Variants in TAOK3 observed in about 807,000 individuals in gnomAD.
TAOK3 encodes serine/threonine-protein kinase TAO3.
In TAOK3, 40 loss-of-function variants were observed where a neutral mutation model predicts 120.4. The ratio of observed to expected loss-of-function variants is 0.33; its 90% CI spans 0.26 to 0.43. The LOEUF is 0.43. Among genes scored for constraint, TAOK3 ranks in the 20% least tolerant of loss-of-function variants. The pLI, the probability that TAOK3 is intolerant of heterozygous loss-of-function variation, is 1.00. For synonymous variants in TAOK3, 355 were observed against 387.5 expected, an observed-to-expected ratio of 0.92 and a Z score of 0.99; for missense variants, 821 against 1,112.1, an observed-to-expected ratio of 0.74 and a Z score of 3.72.
intron 11 of TAOK3, among the ~76,000 whole-genome samples, chr12:118,207,341 A>G (rs962763763): frequency 1.1e-4 from 16 of 151,776 alleles, no homozygotes; most frequent in Non-Finnish European, 1.8e-4. Flanking sequence ...AAAAAAAAAA[A>G]AAAAGAAAGA....
At chr12:118,251,451 T>C (rs2040747132) in intron 3 of TAOK3, among the ~76,000 whole-genome samples, 1 of 152,170 alleles carries the variant, frequency 6.6e-6, no homozygotes, top group East Asian at 1.9e-4. Flanking sequence ...GGCCTGTACT[T>C]TTCACATTTA....
chr12:118,272,949 C>T (rs1035689654), intron 1 of TAOK3, among the ~76,000 whole-genome samples: 1 of 151,988 alleles, frequency 6.6e-6, no homozygotes, highest in Non-Finnish European at 1.5e-5. Context: ...GCACTCCAAC[C>T]TAGGTGACAA....
chr12:118,218,785 C>T (rs1019681273), intron 9 of TAOK3, among the ~76,000 whole-genome samples: 23 of 152,054 alleles, frequency 1.5e-4, no homozygotes, highest in African/African-American at 5.3e-4. Context: ...GAAACCCCGT[C>T]TCTACTAAAA....
At chr12:118,358,611 G>A (rs2045487272) in intron 1 of TAOK3, among the ~76,000 whole-genome samples, 3 of 152,046 alleles carry the variant, frequency 2.0e-5, no homozygotes, top group South Asian at 2.1e-4. Flanking sequence ...AGACTCTTCC[G>A]ACAAAATATT....
chr12:118,316,539 C>G (rs547347919), intron 1 of TAOK3, among the ~76,000 whole-genome samples: 1 of 152,048 alleles, frequency 6.6e-6, no homozygotes, highest in Admixed American at 6.6e-5. Flanking sequence ...TAGCTGGGAA[C>G]ACAGTCGTGT....
intron 1 of TAOK3, among the ~76,000 whole-genome samples, chr12:118,311,198 T>C (rs1189509064): frequency 6.6e-6 from 1 of 152,168 alleles, no homozygotes; most frequent in African/African-American, 2.4e-5. Context: ...TGGTGGCTCA[T>C]GCCTGTAATC....
At position 118,199,178 on chromosome 12, in the gene TAOK3, C is replaced by T; in HGVS notation, c.1067G>A (p.Ser356Asn). Residue 356 changes from serine to asparagine, a missense_variant, in exon 13 of 21, where the codon AGC (serine) becomes AAC (asparagine). Ser to Asn is a conservative substitution (Grantham distance 46). This residue lies in a region of TAOK3 where 467 missense variants were observed against 540.0 expected (regional missense o/e 0.86). Coordinates refer to ENST00000392533, the MANE Select transcript of TAOK3 (RefSeq NM_016281.4). ...CACACTGCTGCTCTGGCTGCCTGTGCTCACGGACATGCTTGGAATGGAATG... is the reference window on the plus strand; with the variant it reads ...CACACTGCTGCTCTGGCTGCCTGTGTTCACGGACATGCTTGGAATGGAATG... ...SNHSIPSMSV[S>N]TGSQSSSVNS... The T allele has an allele frequency of 6.2e-7, 1 of 1,614,176 alleles. No individual in the cohort carries two copies. Among genetic ancestry groups the T allele is most frequent in the Non-Finnish European group, 8.5e-7 (1 of 1,180,026 alleles).
At chr12:118,207,300 T>C (rs1409160530) in intron 11 of TAOK3, among the ~76,000 whole-genome samples, 1 of 141,006 alleles carries the variant, frequency 7.1e-6, no homozygotes, top group Non-Finnish European at 1.5e-5. Context: ...CACTCCAGCA[T>C]GGGCAACAAG....
intron 1 of TAOK3, among the ~76,000 whole-genome samples, chr12:118,363,589 C>T (rs2045662197): frequency 6.6e-6 from 1 of 152,030 alleles, no homozygotes; most frequent in South Asian, 2.1e-4. Context: ...CAGAGAAGGA[C>T]TCATGAAAGA....
chr12:118,332,537 T>C (rs1342929676), intron 1 of TAOK3, among the ~76,000 whole-genome samples: 1 of 152,208 alleles, frequency 6.6e-6, no homozygotes, highest in Non-Finnish European at 1.5e-5. Flanking sequence ...ACTTCTTTTT[T>C]ATTATGAGGC....
In TAOK3 at chr12:118,278,775, A is replaced by AT. The variant is rs1409736915; in HGVS notation, c.-193-12017dup. Among the ~76,000 whole-genome samples, 5 of 152,158 alleles carry AT rather than the reference A, an allele frequency of 3.3e-5. No individual in the cohort carries two copies. In the South Asian group the frequency reaches 6.2e-4, roughly 19 times the overall value. On this transcript the variant is annotated intron_variant, in intron 1 of 20. Transcript: ENST00000392533. ...CCCAGCAGCAGTGTAAAAATGTTCCATTTTTTCTGCTACCTTGACAGCATC... is the reference window on the plus strand; with the variant it reads ...CCCAGCAGCAGTGTAAAAATGTTCCATTTTTTTCTGCTACCTTGACAGCATC...
intron 1 of TAOK3, among the ~76,000 whole-genome samples, chr12:118,324,184 A>C (rs906082870): frequency 1.3e-5 from 2 of 152,196 alleles, no homozygotes; most frequent in African/African-American, 4.8e-5. Flanking sequence ...TGGTGTTTAG[A>C]AATACGGAGA....
chr12:118,176,077 A>T (rs2036304424), intron 16 of TAOK3, among the ~76,000 whole-genome samples: 1 of 152,250 alleles, frequency 6.6e-6, no homozygotes, highest in Non-Finnish European at 1.5e-5. Context: ...AACCAGAGAC[A>T]TCTGTCTTGG....
At chr12:118,363,795 A>G (rs983822554) in intron 1 of TAOK3, among the ~76,000 whole-genome samples, 1 of 152,056 alleles carries the variant, frequency 6.6e-6, no homozygotes, top group African/African-American at 2.4e-5. Context: ...ACAGACACAC[A>G]GACACACACA....
intron 1 of TAOK3, among the ~76,000 whole-genome samples, chr12:118,342,951 AAAAAAAAG>A (rs1163413474): frequency 1.3e-5 from 2 of 150,424 alleles, no homozygotes; most frequent in African/African-American, 4.9e-5. Flanking sequence ...AAAAAAAAAA[AAAAAAAAG>A]AGAGAGAGAG....
At chr12:118,245,042 G>C in intron 3 of TAOK3, 77 bp from the exon 4 acceptor site, 1 of 943,860 alleles carries the variant, frequency 1.1e-6, no homozygotes. Flanking sequence ...TTTGACTAGA[G>C]ACTATTTATT....
At chr12:118,209,307 T>C (rs1029854527) in intron 11 of TAOK3, among the ~76,000 whole-genome samples, 1 of 152,248 alleles carries the variant, frequency 6.6e-6, no homozygotes, top group Non-Finnish European at 1.5e-5. Context: ...TACTTTTATA[T>C]GCATAAAATA....
intron 10 of TAOK3, 138 bp from the exon 11 acceptor site, chr12:118,213,133 G>A: frequency 2.1e-6 from 1 of 482,356 alleles, no homozygotes; most frequent in Non-Finnish European, 3.6e-6. Context: ...CAGGATAACT[G>A]GAGCATTTTC....
chr12:118,213,463 A>G (rs1217562155), intron 10 of TAOK3, among the ~76,000 whole-genome samples: 1 of 152,160 alleles, frequency 6.6e-6, no homozygotes, highest in African/African-American at 2.4e-5. Flanking sequence ...TCCTATCTTA[A>G]AAGTTCCATT....
Sources: allele counts gnomAD v4.1 joint callset (sites outside exome capture counted in the v4.1 genomes callset), GRCh38; gene constraint gnomAD v4.1.1; regional missense constraint gnomAD v4.1.1; transcripts MANE v1.5; gene names NCBI Gene and HGNC (gene_info 2026-07-23, HGNC 2026-07-21).